SPAG16: variants seen among roughly 807,000 people sequenced by gnomAD.
SPAG16 encodes sperm associated antigen 16.
SPAG16 carries 86 observed loss-of-function variants against 80.4 expected under a neutral mutation model. That is an observed-to-expected ratio of 1.07 (90% CI 0.90 to 1.28). The LOEUF (loss-of-function observed/expected upper bound fraction) is 1.28, where lower values mean the gene tolerates loss of function less well. Ranked by LOEUF, SPAG16 falls within the 50% of genes most tolerant of loss-of-function variation. SPAG16 has a pLI of 0.00. For synonymous variants in SPAG16, 294 were observed against 265.9 expected, an observed-to-expected ratio of 1.11 and a Z score of -1.03; for missense variants, 870 against 765.3, an observed-to-expected ratio of 1.14 and a Z score of -1.61.
chr2:213,509,083 G>A (rs1037251281), intron 10 of SPAG16, among the ~76,000 whole-genome samples: 5 of 151,302 alleles, frequency 3.3e-5, no homozygotes, highest in African/African-American at 7.3e-5. Context: ...TGCAGTCTCC[G>A]CCTTCCAAGT....
intron 15 of SPAG16, among the ~76,000 whole-genome samples, chr2:214,278,165 G>T (rs1474881455): frequency 6.6e-6 from 1 of 152,152 alleles, no homozygotes; most frequent in Non-Finnish European, 1.5e-5. Context: ...TGCTAAGACG[G>T]TTGGAAAAGC....
chr2:214,351,028 A>G (rs1366868596), intron 15 of SPAG16, among the ~76,000 whole-genome samples: 1 of 152,128 alleles, frequency 6.6e-6, no homozygotes, highest in Non-Finnish European at 1.5e-5. Flanking sequence ...GCTAAGCTGG[A>G]CAAGCAGAGA....
At chr2:214,368,036 A>G (rs558390517) in intron 15 of SPAG16, among the ~76,000 whole-genome samples, 1 of 152,244 alleles carries the variant, frequency 6.6e-6, no homozygotes, top group Admixed American at 6.5e-5. Context: ...CCTTTTAAAG[A>G]CAAGGATCTC....
chr2:213,347,306 C>A (rs1481649255), intron 6 of SPAG16, among the ~76,000 whole-genome samples: 3 of 151,910 alleles, frequency 2.0e-5, no homozygotes, highest in African/African-American at 7.2e-5. Context: ...CTAGTGGTCT[C>A]TCAATTTTGT....
At chr2:214,339,989 TC>T (rs747132463) in intron 15 of SPAG16, among the ~76,000 whole-genome samples, 1 of 152,160 alleles carries the variant, frequency 6.6e-6, no homozygotes, top group Non-Finnish European at 1.5e-5. Context: ...CATGATGGAC[TC>T]CTGACCCACA....
intron 15 of SPAG16, among the ~76,000 whole-genome samples, chr2:214,319,200 C>CCACACACACACACACACACA (rs61711759): frequency 0.15 from 21,290 of 142,108 alleles, 2,071 homozygotes; most frequent in Non-Finnish European, 0.21. Context: ...CACACACACA[C>CCACACACACACACACACACA]CACACACACA....
intron 15 of SPAG16, among the ~76,000 whole-genome samples, chr2:214,171,313 A>G (rs2056860733): frequency 6.6e-6 from 1 of 151,894 alleles, no homozygotes; most frequent in African/African-American, 2.4e-5. Context: ...ATTGAAATAG[A>G]TAGTTTATGG....
chr2:213,726,343 TC>T (rs1432846606), intron 10 of SPAG16, among the ~76,000 whole-genome samples: 3 of 152,224 alleles, frequency 2.0e-5, no homozygotes, highest in Non-Finnish European at 4.4e-5. Context: ...CTGGATTGAT[TC>T]CTACCCTTCA....
chr2:214,298,969 T>C (rs1456339815), intron 15 of SPAG16, among the ~76,000 whole-genome samples: 1 of 152,150 alleles, frequency 6.6e-6, no homozygotes, highest in African/African-American at 2.4e-5. Flanking sequence ...TCTATTATTT[T>C]AGTGTAACAT....
rs2125014873 is a variant in SPAG16, at chr2:214,023,381, T to G, written c.1527+9304T>G. Among the ~76,000 whole-genome samples the G allele has an allele frequency of 2.0e-5, 3 of 150,676 alleles. No individual in the cohort carries two copies. In the South Asian group the frequency reaches 6.3e-4, roughly 32 times the overall value. The stretch of plus-strand genomic sequence containing the variant: ...CCTAGAGGAGTAGTATTTGAGTGGC[T>G]ATCAATTGCTTCCTAAGGCATTCAT... On this transcript the variant is annotated intron_variant, in intron 13 of 15. Coordinates refer to ENST00000331683, the MANE Select transcript of SPAG16 (RefSeq NM_024532.5).
In SPAG16 at chr2:214,158,588, G is replaced by C. The variant is rs540891802; in HGVS notation, c.1720+9322G>C. Among the ~76,000 whole-genome samples, 87 of 152,110 alleles carry C rather than the reference G, an allele frequency of 5.7e-4. No individual in the cohort carries two copies. The South Asian group carries it at 0.011, about 20-fold the overall frequency. On this transcript the variant is annotated intron_variant, in intron 15 of 15. Transcript: ENST00000331683. ...AACCTGACTCATTCTGATTAAATCA[G>C]AGCCGAAAAATAACTTTACAAATTG...
At chr2:214,256,800 C>G (rs1415782211) in intron 15 of SPAG16, among the ~76,000 whole-genome samples, 3 of 150,796 alleles carry the variant, frequency 2.0e-5, no homozygotes, top group African/African-American at 7.3e-5. Flanking sequence ...TATGCCAGTA[C>G]CACACTTTCC....
Position 213,340,170 on chromosome 2 carries a change from A to G in SPAG16, c.544A>G (p.Arg182Gly), listed in dbSNP as rs143925088. ...KHYKQAADKA[R>G]EDLLKIQKER... Reference sequence around the variant, plus strand: ...TTACTATTTTTTTTTCAGCAAAGCTAGAGAAGATTTGCTGAAAATTCAGAA... The same window carrying G: ...TTACTATTTTTTTTTCAGCAAAGCTGGAGAAGATTTGCTGAAAATTCAGAA... Residue 182 changes from arginine (R) to glycine (G), a missense_variant, in exon 6 of 16, where the codon AGA (arginine) becomes GGA (glycine). Physicochemically the swap from Arg to Gly is moderately radical, Grantham distance 125. Coordinates refer to ENST00000331683, the MANE Select transcript of SPAG16 (RefSeq NM_024532.5). 36 of 1,604,872 alleles carry G rather than the reference A, an allele frequency of 2.2e-5. No homozygotes were observed. The African/African-American group carries it at 2.5e-4, about 11-fold the overall frequency.
At chr2:214,143,828 T>A (rs150067559) in intron 14 of SPAG16, among the ~76,000 whole-genome samples, 15 of 152,224 alleles carry the variant, frequency 9.9e-5, no homozygotes, top group African/African-American at 3.1e-4. Context: ...TACCTTCCCA[T>A]TCTCAGTTTC....
At chr2:213,369,176 A>G (rs2066496609) in intron 8 of SPAG16, among the ~76,000 whole-genome samples, 1 of 152,208 alleles carries the variant, frequency 6.6e-6, no homozygotes, top group Non-Finnish European at 1.5e-5. Flanking sequence ...GCAAGCTCGG[A>G]GATTTTTTGC....
At chr2:214,119,032 C>G (rs2054086837) in intron 14 of SPAG16, among the ~76,000 whole-genome samples, 1 of 151,912 alleles carries the variant, frequency 6.6e-6, no homozygotes. Context: ...GATAATTATC[C>G]TGATTTGAGC....
chr2:213,938,242 A>C (rs1047389023), intron 12 of SPAG16, among the ~76,000 whole-genome samples: 6 of 152,030 alleles, frequency 3.9e-5, no homozygotes, highest in Non-Finnish European at 8.8e-5. Context: ...CATAAGTCTT[A>C]GTCCTCCTCA....
chr2:213,767,926 A>G (rs2069027975), intron 10 of SPAG16, among the ~76,000 whole-genome samples: 1 of 152,214 alleles, frequency 6.6e-6, no homozygotes, highest in South Asian at 2.1e-4. Context: ...ATGTATAAAT[A>G]AGCAATTATA....
intron 10 of SPAG16, among the ~76,000 whole-genome samples, chr2:213,749,096 G>A (rs944483189): frequency 5.9e-5 from 9 of 152,162 alleles, no homozygotes; most frequent in East Asian, 1.9e-4. Context: ...GCAGTGAGCC[G>A]AGATCGCGCC....
Sources: allele counts gnomAD v4.1 joint callset (sites outside exome capture counted in the v4.1 genomes callset), GRCh38; gene constraint gnomAD v4.1.1; transcripts MANE v1.5; gene names NCBI Gene and HGNC (gene_info 2026-07-23, HGNC 2026-07-21).